MPLKIP: variants seen among roughly 807,000 people sequenced by gnomAD.
The protein encoded by MPLKIP is M-phase specific PLK1 interacting protein.
In MPLKIP, 16 loss-of-function variants were observed where a neutral mutation model predicts 16.9. The ratio of observed to expected loss-of-function variants is 0.94; its 90% confidence interval spans 0.64 to 1.43. MPLKIP has a LOEUF of 1.43. Ranked by LOEUF, MPLKIP falls within the 40% of genes most tolerant of loss-of-function variation. MPLKIP has a pLI of 0.00. For missense variants in MPLKIP, 282 were observed against 237.6 expected (o/e 1.19, Z -1.23); for synonymous variants, 126 against 98.4 (o/e 1.28, Z -1.66).
rs994607843 is a variant in MPLKIP at position 40,130,093 on chromosome 7, A to C, written c.*2966T>G. 6.6e-6 allele frequency: 1 copy of C among 152,206 alleles called. No homozygotes were observed. Among genetic ancestry groups the C allele is most frequent in the African/African-American group, 2.4e-5 (1 of 41,458 alleles). The allele number at this position is 152,206 out of a possible 1,614,324, so 9.4% of individuals were successfully genotyped here. On this transcript the variant is annotated 3_prime_UTR_variant, in exon 2 of 2. Coordinates refer to ENST00000306984, the MANE Select transcript of MPLKIP (RefSeq NM_138701.4). Reference sequence around the variant, plus strand: ...TTCCCTTAAAGCTATTTATGCCTGCATATCCCTTAGAAAGTTTAATATTCC... The same window carrying C: ...TTCCCTTAAAGCTATTTATGCCTGCCTATCCCTTAGAAAGTTTAATATTCC...
Position 40,126,923 on chromosome 7 carries a change from C to G in MPLKIP, c.*6136G>C, listed in dbSNP as rs1487312497. ...CCGGGTTCATGCCATTCTCCTGCCT[C>G]AGCCTCCCGACTAGCTGGGACTACA... On this transcript the variant is annotated 3_prime_UTR_variant, in exon 2 of 2. Coordinates refer to ENST00000306984, the MANE Select transcript of MPLKIP (RefSeq NM_138701.4). The G allele has an allele frequency of 1.3e-5, 2 of 151,270 alleles. No individual in the cohort carries two copies. The highest frequency in any genetic ancestry group is 2.9e-5 in the Non-Finnish European group (2 of 67,872). The allele number at this position is 151,270 out of a possible 1,614,324, so 9.4% of individuals were successfully genotyped here. A position where few individuals can be genotyped will look rare whatever the true frequency, so the allele number is the denominator to read the frequency against.
chr7:40,131,158 TG>T lies in MPLKIP; in HGVS notation c.*1900del, dbSNP rs2150559255. 1 of 152,288 alleles carries T rather than the reference TG, an allele frequency of 6.6e-6. No individual in the cohort carries two copies. Among genetic ancestry groups the T allele is most frequent in the South Asian group, 2.1e-4 (1 of 4,828 alleles). 9.4% of individuals were successfully genotyped at this position (152,288 alleles called of 1,614,324 possible). ...AAGTGAACTCATCCAGCTAGTAACTTGTAGAAACAGCATTTCCAAAATCCTG... is the reference window on the plus strand; with the variant it reads ...AAGTGAACTCATCCAGCTAGTAACTTTAGAAACAGCATTTCCAAAATCCTG... On this transcript the variant is annotated 3_prime_UTR_variant, in exon 2 of 2. Transcript: ENST00000306984.
In MPLKIP at chr7:40,128,544, C is replaced by A. The variant is rs1303428031; in HGVS notation, c.*4515G>T. On this transcript the variant is annotated 3_prime_UTR_variant, in exon 2 of 2. Coordinates refer to ENST00000306984, the MANE Select transcript of MPLKIP (RefSeq NM_138701.4). ...GAAGTAAACATGAAACTTTTAACTTCCTCCTCCTTGATATCATGCAAACTA... is the reference window on the plus strand; with the variant it reads ...GAAGTAAACATGAAACTTTTAACTTACTCCTCCTTGATATCATGCAAACTA... 1.3e-5 allele frequency: 2 copies of A among 152,166 alleles called. No individual in the cohort carries two copies. Among genetic ancestry groups the A allele is most frequent in the East Asian group, 3.8e-4 (2 of 5,198 alleles). The allele number at this position is 152,166 out of a possible 1,614,324, so 9.4% of individuals were successfully genotyped here.
Position 40,130,451 on chromosome 7 carries a change from G to A in MPLKIP, c.*2608C>T, listed in dbSNP as rs1787446220. 1 of 152,124 alleles carries A rather than the reference G, an allele frequency of 6.6e-6. No homozygotes were observed. The highest frequency in any genetic ancestry group is 2.4e-5 in the African/African-American group (1 of 41,424). The allele number at this position is 152,124 out of a possible 1,614,324, so 9.4% of individuals were successfully genotyped here. On this transcript the variant is annotated 3_prime_UTR_variant, in exon 2 of 2. Coordinates refer to ENST00000306984, the MANE Select transcript of MPLKIP (RefSeq NM_138701.4). Reference sequence around the variant, plus strand: ...AATTTTTCTTAAAAAACTCAGGCCAGGTCTCTAGAAGTAGATGTTGGTAAG... The same window carrying A: ...AATTTTTCTTAAAAAACTCAGGCCAAGTCTCTAGAAGTAGATGTTGGTAAG...
At position 40,126,253 on chromosome 7, in the gene MPLKIP, T is replaced by C. The variant is rs894787583; in HGVS notation, c.*6806A>G. 2.6e-5 allele frequency: 4 copies of C among 152,242 alleles called. No individual in the cohort carries two copies. Among genetic ancestry groups the C allele is most frequent in the South Asian group, 2.1e-4 (1 of 4,836 alleles). The allele number at this position is 152,242 out of a possible 1,614,324, so 9.4% of individuals were successfully genotyped here. On this transcript the variant is annotated 3_prime_UTR_variant, in exon 2 of 2. Coordinates refer to ENST00000306984, the MANE Select transcript of MPLKIP (RefSeq NM_138701.4). ...CATATTGTTTTGCAGACTTTTAAAT[T>C]TGACGTAAAGAATATCACATAAGTT...
rs781356195 is a variant in MPLKIP, at chr7:40,134,496, T to TCCGCTACCC, written c.63_71dup (p.Gly22_Gly24dup). 4.6e-5 allele frequency: 73 copies of TCCGCTACCC among 1,582,788 alleles called. No homozygotes were observed. The African/African-American group carries it at 9.1e-4, about 20-fold the overall frequency. The stretch of plus-strand genomic sequence containing the variant: ...CGCCCGGGGTTCCCCGGAAGCTGCT[T>TCCGCTACCC]CCGCTACCCCAACCTCCTCCACCCG... On this transcript the variant is annotated inframe_insertion, in exon 1 of 2. Coordinates refer to ENST00000306984, the MANE Select transcript of MPLKIP (RefSeq NM_138701.4).
chr7:40,133,250 T>C lies in MPLKIP; in HGVS notation c.349A>G (p.Arg117Gly), dbSNP rs1787496214. 5.0e-6 allele frequency: 8 copies of C among 1,611,638 alleles called. No homozygotes were observed. The highest frequency in any genetic ancestry group is 5.9e-6 in the Non-Finnish European group (7 of 1,179,386). The change falls in exon 2 of 2, where the codon AGG becomes GGG. Residue 117 changes from arginine (R) to glycine (G), a missense_variant. By Grantham distance (125) the Arg-to-Gly change is moderately radical. Transcript: ENST00000306984. The stretch of plus-strand genomic sequence containing the variant: ...CCTGATCCAAATGGTGTAGATGTCC[T>C]TGGAGAACCCTTTAGAAAAAAAATC... ...QQQTHPQGSP[R>G]TSTPFGSGRV...
At chr7:40,134,173 T>C (rs949323084) in intron 1 of MPLKIP, 56 bp downstream of exon 1, 5 of 1,522,572 alleles carry the variant, frequency 3.3e-6, no homozygotes, top group Non-Finnish European at 3.6e-6. Context: ...AAGGGAATAT[T>C]AGTACCGTGC....
In MPLKIP at chr7:40,134,462, GT is replaced by G; in HGVS notation, c.105del (p.Pro36HisfsTer117). 5.1e-6 allele frequency: 8 copies of G among 1,570,536 alleles called. No individual in the cohort carries two copies. Among genetic ancestry groups the G allele is most frequent in the Non-Finnish European group, 6.9e-6 (8 of 1,159,840 alleles). On this transcript the variant is annotated frameshift_variant, in exon 1 of 2. Coordinates refer to ENST00000306984, the MANE Select transcript of MPLKIP (RefSeq NM_138701.4). LOFTEE classifies it high-confidence loss of function. The part of the protein sequence containing the change: ...SSFRGTPGGG[G>X]PRPPSPRDGY... Reference sequence around the variant, plus strand: ...CCGTCTCGAGGGGAGGGCGGCCGTGGTCCGCCCCCGCCCGGGGTTCCCCGGA... The same window carrying G: ...CCGTCTCGAGGGGAGGGCGGCCGTGGCCGCCCCCGCCCGGGGTTCCCCGGA...
In MPLKIP at chr7:40,128,353, C is replaced by T. The variant is rs971404900; in HGVS notation, c.*4706G>A. ...AGTGACAATAGCAGGAGACTTTGGC[C>T]TATGTAAAACAATTAATATGGAATT... is the stretch of plus-strand genomic sequence containing the variant. On this transcript the variant is annotated 3_prime_UTR_variant, in exon 2 of 2. Transcript: ENST00000306984. 2.6e-5 allele frequency: 4 copies of T among 151,940 alleles called. No individual in the cohort carries two copies. Among genetic ancestry groups the T allele is most frequent in the African/African-American group, 9.7e-5 (4 of 41,346 alleles). 9.4% of individuals were successfully genotyped at this position (151,940 alleles called of 1,614,324 possible).
intron 1 of MPLKIP, 104 bp downstream of exon 1, chr7:40,134,125 T>C (rs1406584466): frequency 2.0e-5 from 27 of 1,359,676 alleles, no homozygotes; most frequent in African/African-American, 7.2e-5. Flanking sequence ...GGGCTAACAA[T>C]AGTACCTCAG....
chr7:40,129,487 C>A lies in MPLKIP; in HGVS notation c.*3572G>T, dbSNP rs1349822364. 1 of 152,104 alleles carries A rather than the reference C, an allele frequency of 6.6e-6. No homozygotes were observed. Among genetic ancestry groups the A allele is most frequent in the Non-Finnish European group, 1.5e-5 (1 of 68,046 alleles). The allele number at this position is 152,104 out of a possible 1,614,324, so 9.4% of individuals were successfully genotyped here. A position where few individuals can be genotyped will look rare whatever the true frequency, so the allele number is the denominator to read the frequency against. ...GGCCAGGCTGGTCTCAAACTCCGAA[C>A]CTCAAGTGATCTGCCCACCTGGGCT... is the stretch of plus-strand genomic sequence containing the variant. On this transcript the variant is annotated 3_prime_UTR_variant, in exon 2 of 2. Transcript: ENST00000306984.
At chr7:40,133,358 TTG>T in intron 1 of MPLKIP, 99 bp from the exon 2 acceptor site, 1 of 1,053,236 alleles carries the variant, frequency 9.5e-7, no homozygotes, top group Non-Finnish European at 1.5e-6. Context: ...TGCTTAAAAG[TTG>T]TGACTTGAAC....
chr7:40,134,294 T>C lies in MPLKIP; in HGVS notation c.274A>G (p.Arg92Gly), dbSNP rs1313527098. Residue 92 changes from arginine to glycine, a missense_variant, in exon 1 of 2, where the codon AGG (arginine) becomes GGG (glycine). Coordinates refer to ENST00000306984, the MANE Select transcript of MPLKIP (RefSeq NM_138701.4). The stretch of plus-strand genomic sequence containing the variant: ...TGCTGCTGGGACCCCGCGGGGGACC[T>C]GGAGTAGGAGCCAGGGTAGCCGCCA... ...SPGGYPGSYS[R>G]SPAGSQQQFG... 3.2e-6 allele frequency: 5 copies of C among 1,559,292 alleles called. No individual in the cohort carries two copies. Among genetic ancestry groups the C allele is most frequent in the East Asian group, 4.8e-5 (2 of 41,712 alleles).
chr7:40,134,369 G>C lies in MPLKIP; in HGVS notation c.199C>G (p.Pro67Ala), dbSNP rs529451247. The C allele has an allele frequency of 4.5e-6, 7 of 1,555,586 alleles. No individual in the cohort carries two copies. The highest frequency in any genetic ancestry group is 6.1e-6 in the Non-Finnish European group (7 of 1,150,712). The change falls in exon 1 of 2, where the codon CCG becomes GCG. Residue 67 changes from proline to alanine, a missense_variant. Physicochemically the swap from Pro to Ala is conservative, Grantham distance 27 (BLOSUM62 -1). Coordinates refer to ENST00000306984, the MANE Select transcript of MPLKIP (RefSeq NM_138701.4). ...CCCGGGAAGCTGCCGCCGTGTCGCG[G>C]AGAGTGACTGCTCCCGTACGGCCTA... is the stretch of plus-strand genomic sequence containing the variant. ...RSRPYGSSHSPRHGGSFPGGR... is the reference protein window; with the variant it reads ...RSRPYGSSHSARHGGSFPGGR...
rs1300988283 is a variant in MPLKIP, at chr7:40,126,060, A to AT, written c.*6998dup. On this transcript the variant is annotated 3_prime_UTR_variant, in exon 2 of 2. Coordinates refer to ENST00000306984, the MANE Select transcript of MPLKIP (RefSeq NM_138701.4). ...ATGGTGAGGTTTAATAAATTTTAACATTTTCCAAATTTGGTTGACTTGAAA... is the reference window on the plus strand; with the variant it reads ...ATGGTGAGGTTTAATAAATTTTAACATTTTTCCAAATTTGGTTGACTTGAAA... 6.6e-6 allele frequency: 1 copy of AT among 152,104 alleles called. No individual in the cohort carries two copies. Among genetic ancestry groups the AT allele is most frequent in the African/African-American group, 2.4e-5 (1 of 41,420 alleles). 9.4% of individuals were successfully genotyped at this position (152,104 alleles called of 1,614,324 possible).
At position 40,134,564 on chromosome 7, in the gene MPLKIP, G is replaced by A. The variant is rs770161710; in HGVS notation, c.4C>T (p.Gln2Ter). 48 of 1,588,562 alleles carry A rather than the reference G, an allele frequency of 3.0e-5. No individual in the cohort carries two copies. The highest frequency in any genetic ancestry group is 3.3e-5 in the Non-Finnish European group (39 of 1,170,152). The change falls in exon 1 of 2, where the codon CAG becomes TAG. Residue 2 changes from glutamine (Q) to a stop codon, truncating the protein, a stop_gained. Transcript: ENST00000306984. LOFTEE classifies it high-confidence loss of function. ...GTTGGGGGCCGAAAATTCTGTCGCTGCATATCAGGAGCCAAAGCCGAAAAC... is the reference window on the plus strand; with the variant it reads ...GTTGGGGGCCGAAAATTCTGTCGCTACATATCAGGAGCCAAAGCCGAAAAC... The part of the protein sequence containing the change: M[Q>*]RQNFRPPTPP...
In MPLKIP at chr7:40,132,856, G is replaced by C; in HGVS notation, c.*203C>G. 1 of 588,714 alleles carries C rather than the reference G, an allele frequency of 1.7e-6. No homozygotes were observed. The allele number at this position is 588,714 out of a possible 1,614,324, so 36.5% of individuals were successfully genotyped here. On this transcript the variant is annotated 3_prime_UTR_variant, in exon 2 of 2. Transcript: ENST00000306984. ...AACGGTAAATCTCTAAAATGTGGTA[G>C]GTACTTCCAGAGCTAAATGTTGCAA...
At chr7:40,133,886 T>TAA (rs34937720) in intron 1 of MPLKIP, among the ~76,000 whole-genome samples, 1,164 of 105,516 alleles carry the variant, frequency 0.011, 9 homozygotes, top group African/African-American at 0.025. Context: ...GAAAGAAAGA[T>TAA]AAAAAAAAAA....
Sources: allele counts gnomAD v4.1 joint callset (sites outside exome capture counted in the v4.1 genomes callset), GRCh38; gene constraint gnomAD v4.1.1; transcripts MANE v1.5; gene names NCBI Gene and HGNC (gene_info 2026-07-23, HGNC 2026-07-21).